Variants in LRRC53 observed in about 807,000 individuals in gnomAD.
LRRC53 encodes leucine-rich repeat-containing protein 53.
In LRRC53, 25 loss-of-function variants were observed where a neutral mutation model predicts 13.6. That is an observed-to-expected ratio of 1.83 (90% confidence interval 1.34 to 2.56). The LOEUF (loss-of-function observed/expected upper bound fraction) is 2.56. LRRC53 is among the 30% of genes most tolerant of loss of function. The probability of loss-of-function intolerance (pLI) is 0.00; values close to 1 mark genes in which losing one functional copy is unlikely to be tolerated. For missense variants in LRRC53, 527 were observed against 275.8 expected (o/e 1.91, Z -6.45); for synonymous variants, 204 against 109.8 (o/e 1.86, Z -5.37).
intron 1 of LRRC53, among the ~76,000 whole-genome samples, chr1:74,505,418 C>T (rs1237752084): frequency 6.6e-6 from 1 of 152,146 alleles, no homozygotes; most frequent in Non-Finnish European, 1.5e-5. Flanking sequence ...TTGCTATGTT[C>T]GCAGCAATAA....
chr1:74,512,835 C>G (rs1201450504), upstream of LRRC53, among the ~76,000 whole-genome samples: 1 of 152,140 alleles, frequency 6.6e-6, no homozygotes, highest in African/African-American at 2.4e-5. Flanking sequence ...AATGGGCACC[C>G]CCTGCAGCAT....
In LRRC53 at chr1:74,501,000, T is replaced by G. The variant is rs1669596816; in HGVS notation, c.-27+11526A>C. On this transcript the variant is annotated intron_variant, in intron 1 of 4. Coordinates refer to ENST00000294635, the MANE Select transcript of LRRC53 (RefSeq NM_001382280.1). Reference sequence around the variant, plus strand: ...ATATTATGTTTCCAGAATTTGAAAATTGACATCTTTCATAAACTCTGGATA... The same window carrying G: ...ATATTATGTTTCCAGAATTTGAAAAGTGACATCTTTCATAAACTCTGGATA... Among the ~76,000 whole-genome samples, 3 of 152,190 alleles carry G rather than the reference T, an allele frequency of 2.0e-5. No homozygotes were observed. In the South Asian group the frequency reaches 6.2e-4, roughly 31 times the overall value.
intron 1 of LRRC53, among the ~76,000 whole-genome samples, chr1:74,503,543 G>A (rs1222205691): frequency 6.6e-6 from 1 of 152,122 alleles, no homozygotes; most frequent in African/African-American, 2.4e-5. Flanking sequence ...GTATAATGAG[G>A]AGAACAAGAT....
Position 74,471,147 on chromosome 1 carries a change from G to T in LRRC53, c.2475C>A (p.Ser825Arg), listed in dbSNP as rs190416184. ...RVVNQSSIES[S>R]CYSAGHIPDG... is the part of the protein sequence containing the mutation. ...CAGGAATGTGGCCAGCTGAGTAACA[G>T]CTGCTTTCTATAGAGCTCTGGTTGA... is the stretch of plus-strand genomic sequence containing the variant. Residue 825 changes from serine (S) to arginine (R), a missense_variant, in exon 5 of 5, where the codon AGC (serine) becomes AGA (arginine). Ser to Arg is a moderately radical substitution (Grantham distance 110). Transcript: ENST00000294635. 30 of 400,574 alleles carry T rather than the reference G, an allele frequency of 7.5e-5. No individual in the cohort carries two copies. The highest frequency in any genetic ancestry group is 3.1e-4 in the Admixed American group (7 of 22,714). 24.8% of individuals were successfully genotyped at this position (400,574 alleles called of 1,614,324 possible). A position where few individuals can be genotyped will look rare whatever the true frequency, so the allele number is the denominator to read the frequency against.
At chr1:74,525,771 G>T in the LRRC53 span, among the ~76,000 whole-genome samples, 24 of 152,134 alleles carry the variant, frequency 1.6e-4, no homozygotes, top group African/African-American at 5.8e-4. Flanking sequence ...TGTCAATACA[G>T]AAGCCGGGAG....
At chr1:74,522,492 C>T in the LRRC53 span, among the ~76,000 whole-genome samples, 5 of 152,070 alleles carry the variant, frequency 3.3e-5, no homozygotes, top group Admixed American at 3.3e-4. Flanking sequence ...GTACGAGTTG[C>T]ATGACTAATT....
At chr1:74,507,465 A>G (rs1669967264) in intron 1 of LRRC53, among the ~76,000 whole-genome samples, 1 of 152,152 alleles carries the variant, frequency 6.6e-6, no homozygotes, top group Non-Finnish European at 1.5e-5. Context: ...CACACAGAGT[A>G]AGCTTCTTGA....
At chr1:74,480,080 G>T in intron 3 of LRRC53, 73 bp downstream of exon 3, 1 of 637,054 alleles carries the variant, frequency 1.6e-6, no homozygotes. Flanking sequence ...TCTGAGATAA[G>T]CATCACTTAG....
At chr1:74,491,346 A>C (rs1570694072) in intron 1 of LRRC53, among the ~76,000 whole-genome samples, 1 of 152,264 alleles carries the variant, frequency 6.6e-6, no homozygotes, top group Non-Finnish European at 1.5e-5. Context: ...CAGCCTCCCC[A>C]GTAGCTGGGA....
chr1:74,535,387 T>C, the LRRC53 span, among the ~76,000 whole-genome samples: 1 of 151,700 alleles, frequency 6.6e-6, no homozygotes, highest in African/African-American at 2.4e-5. Context: ...CAAGAATTGT[T>C]TGAGTGTGGG....
In LRRC53 at chr1:74,475,283, A is replaced by G. The variant is rs899360878; in HGVS notation, c.1420+12T>C. ...AAACGGAGTGGGATTTTCTAAAACA[A>G]GACAAACTCACCTTCTGTTCTTATT... On this transcript the variant is annotated intron_variant, in intron 4 of 4. Coordinates refer to ENST00000294635, the MANE Select transcript of LRRC53 (RefSeq NM_001382280.1). 1.6e-6 allele frequency: 1 copy of G among 630,890 alleles called. No individual in the cohort carries two copies. The highest frequency in any genetic ancestry group is 1.9e-5 in the African/African-American group (1 of 53,992). 39.1% of individuals were successfully genotyped at this position (630,890 alleles called of 1,614,324 possible).
chr1:74,522,636 ATG>A, the LRRC53 span, among the ~76,000 whole-genome samples: 3 of 151,432 alleles, frequency 2.0e-5, no homozygotes, highest in African/African-American at 7.4e-5. Flanking sequence ...CCTAAGGTGT[ATG>A]TGTGTGTGTG....
At chr1:74,484,471 G>A (rs999678874) in intron 1 of LRRC53, among the ~76,000 whole-genome samples, 7 of 152,146 alleles carry the variant, frequency 4.6e-5, no homozygotes, top group African/African-American at 1.7e-4. Context: ...TATAAAATAT[G>A]TATTAAGTCA....
chr1:74,473,532 A>AT (rs11422312), intron 4 of LRRC53, among the ~76,000 whole-genome samples: 82,501 of 149,400 alleles, frequency 0.55, 22,861 homozygotes, highest in East Asian at 0.79. Context: ...TTAAAAGGCT[A>AT]TTTTTTTTTT....
In LRRC53 at chr1:74,470,433, A is replaced by T. The variant is rs1258959085; in HGVS notation, c.3189T>A (p.Asn1063Lys). The change falls in exon 5 of 5, where the codon AAT (asparagine) becomes AAA (lysine). Residue 1063 changes from asparagine to lysine, a missense_variant. Transcript: ENST00000294635. ...NSSEKGIDST[N>K]ALPRNDGTEA... ...CAGTGCCGTCATTTCTGGGCAATGC[A>T]TTTGTGCTGTCAATTCCTTTTTCGC... 7.5e-6 allele frequency: 3 copies of T among 400,490 alleles called. No individual in the cohort carries two copies. 24.8% of individuals were successfully genotyped at this position (400,490 alleles called of 1,614,324 possible).
intron 1 of LRRC53, among the ~76,000 whole-genome samples, chr1:74,507,810 G>A (rs1287927627): frequency 6.6e-6 from 1 of 152,190 alleles, no homozygotes; most frequent in African/African-American, 2.4e-5. Flanking sequence ...CTGAGACTTA[G>A]GAACTTAAGT....
At chr1:74,477,212 G>A (rs921478781) in intron 3 of LRRC53, among the ~76,000 whole-genome samples, 2 of 151,876 alleles carry the variant, frequency 1.3e-5, no homozygotes, top group Non-Finnish European at 2.9e-5. Context: ...AACTCATATG[G>A]GTAAGAAAAC....
intron 3 of LRRC53, among the ~76,000 whole-genome samples, chr1:74,476,726 G>A (rs772631150): frequency 6.6e-6 from 1 of 152,138 alleles, no homozygotes; most frequent in African/African-American, 2.4e-5. Flanking sequence ...ACCCACATCT[G>A]CCTGAGGACA....
At chr1:74,480,013 A>T in intron 3 of LRRC53, 140 bp downstream of exon 3, 3 of 603,740 alleles carry the variant, frequency 5.0e-6, no homozygotes, top group Non-Finnish European at 8.9e-6. Context: ...CAAATCAGCT[A>T]ATATCCTCCC....
Sources: allele counts gnomAD v4.1 joint callset (sites outside exome capture counted in the v4.1 genomes callset), GRCh38; gene constraint gnomAD v4.1.1; transcripts MANE v1.5; gene names NCBI Gene and HGNC (gene_info 2026-07-23, HGNC 2026-07-21).